The following SNTG1 variants were observed in gnomAD, a reference collection of about 807,000 sequenced individuals.
SNTG1 encodes syntrophin gamma 1, also known as gamma-1-syntrophin.
In SNTG1, 39 loss-of-function variants were observed where a neutral mutation model predicts 74.7. The ratio of observed to expected loss-of-function variants is 0.52; its 90% confidence interval spans 0.40 to 0.68. The LOEUF (loss-of-function observed/expected upper bound fraction) is 0.68, where lower values mean the gene tolerates loss of function less well. Ranked by LOEUF, SNTG1 falls within the 30% of genes least tolerant of loss-of-function variation. The pLI is 0.00. For missense variants in SNTG1, 685 were observed against 609.5 expected (o/e 1.12, Z -1.30); for synonymous variants, 254 against 217.1 (o/e 1.17, Z -1.49).
At chr8:50,606,607 G>A (rs1246604585) in intron 13 of SNTG1, among the ~76,000 whole-genome samples, 2 of 133,254 alleles carry the variant, frequency 1.5e-5, no homozygotes. Flanking sequence ...AGATTCTCCA[G>A]TATAATGCAG....
At chr8:50,558,212 G>A (rs1193097054) in intron 12 of SNTG1, among the ~76,000 whole-genome samples, 1 of 152,162 alleles carries the variant, frequency 6.6e-6, no homozygotes, top group Non-Finnish European at 1.5e-5. Context: ...TGAGTTTCCA[G>A]CTGGCCCGGC....
chr8:49,944,150 C>G (rs534011340), intron 1 of SNTG1, among the ~76,000 whole-genome samples: 1 of 152,054 alleles, frequency 6.6e-6, no homozygotes, highest in African/African-American at 2.4e-5. Flanking sequence ...TGATAGGATC[C>G]AAGTACCAAG....
intron 1 of SNTG1, among the ~76,000 whole-genome samples, chr8:49,960,728 A>T (rs1485224118): frequency 6.6e-6 from 1 of 152,104 alleles, no homozygotes; most frequent in Non-Finnish European, 1.5e-5. Context: ...CTCTAAAAAG[A>T]TCTGGGTCTT....
chr8:50,022,639 C>T (rs771928459), intron 1 of SNTG1, among the ~76,000 whole-genome samples: 41 of 152,120 alleles, frequency 2.7e-4, no homozygotes, highest in Non-Finnish European at 4.0e-4. Context: ...GGTAGCCTAG[C>T]AGTTTGTTTG....
intron 16 of SNTG1, chr8:50,708,424 A>C (rs1256392056): frequency 6.4e-6 from 1 of 155,520 alleles, no homozygotes; most frequent in African/African-American, 2.4e-5. Flanking sequence ...ATTTGTGTGC[A>C]TGAGAATGTG....
intron 4 of SNTG1, among the ~76,000 whole-genome samples, chr8:50,416,882 T>A (rs1398620160): frequency 6.6e-6 from 1 of 151,984 alleles, no homozygotes; most frequent in Admixed American, 6.6e-5. Flanking sequence ...TAGATACTTG[T>A]TCTGTTCTAT....
chr8:50,741,260 T>A (rs967192616), intron 17 of SNTG1, among the ~76,000 whole-genome samples: 1 of 151,970 alleles, frequency 6.6e-6, no homozygotes, highest in Non-Finnish European at 1.5e-5. Flanking sequence ...GAGGCTGGCA[T>A]TACAGGTGTG....
At chr8:49,992,518 A>G (rs1813787859) in intron 1 of SNTG1, among the ~76,000 whole-genome samples, 1 of 152,210 alleles carries the variant, frequency 6.6e-6, no homozygotes, top group African/African-American at 2.4e-5. Context: ...CTTCATAGTT[A>G]ACTAAACCTT....
intron 13 of SNTG1, among the ~76,000 whole-genome samples, chr8:50,621,738 A>G (rs928706914): frequency 6.6e-6 from 1 of 152,196 alleles, no homozygotes; most frequent in Non-Finnish European, 1.5e-5. Flanking sequence ...GTACACATAG[A>G]TAGCTTTTAT....
chr8:50,257,683 T>A (rs1478738495), intron 2 of SNTG1, among the ~76,000 whole-genome samples: 1 of 152,194 alleles, frequency 6.6e-6, no homozygotes, highest in Non-Finnish European at 1.5e-5. Flanking sequence ...ACATGCTTAG[T>A]GTTTCAATAA....
intron 1 of SNTG1, among the ~76,000 whole-genome samples, chr8:49,934,280 G>GATCGATCT: frequency 6.8e-6 from 1 of 146,390 alleles, no homozygotes; most frequent in East Asian, 2.1e-4. Flanking sequence ...ATACTATATA[G>GATCGATCT]ATCTATCTAT....
At chr8:50,365,216 A>G (rs2092075423) in intron 2 of SNTG1, among the ~76,000 whole-genome samples, 1 of 152,120 alleles carries the variant, frequency 6.6e-6, no homozygotes, top group Non-Finnish European at 1.5e-5. Context: ...GATTTCTAGA[A>G]GTTGTATTCA....
At chr8:50,703,030 A>T (rs541772622) in intron 15 of SNTG1, among the ~76,000 whole-genome samples, 2 of 152,328 alleles carry the variant, frequency 1.3e-5, no homozygotes, top group South Asian at 4.1e-4. Flanking sequence ...AGTGATGAGT[A>T]AATGTGAAGG....
At chr8:50,628,277 T>G (rs1220088026) in intron 13 of SNTG1, among the ~76,000 whole-genome samples, 1 of 152,200 alleles carries the variant, frequency 6.6e-6, no homozygotes, top group African/African-American at 2.4e-5. Context: ...TTTTTGAAAT[T>G]TAATAACTTG....
intron 2 of SNTG1, among the ~76,000 whole-genome samples, chr8:50,283,055 C>T (rs1474781522): frequency 1.3e-5 from 2 of 152,102 alleles, no homozygotes; most frequent in Non-Finnish European, 2.9e-5. Context: ...TACCGTATTG[C>T]TCCAAGCTGT....
chr8:50,784,532 G>T (rs7831651), intron 18 of SNTG1, among the ~76,000 whole-genome samples: 48,844 of 151,896 alleles, frequency 0.32, 7,968 homozygotes, highest in Middle Eastern at 0.44. Flanking sequence ...AGCTCCAAAA[G>T]GTATGGAACA....
chr8:50,730,879 C>T (rs1008148592), intron 17 of SNTG1, among the ~76,000 whole-genome samples: 1 of 152,066 alleles, frequency 6.6e-6, no homozygotes, highest in African/African-American at 2.4e-5. Flanking sequence ...CGCTACTAAA[C>T]TAGTTTGAAA....
chr8:49,951,027 AC>A (rs1357177944), intron 1 of SNTG1, among the ~76,000 whole-genome samples: 1 of 152,200 alleles, frequency 6.6e-6, no homozygotes, highest in Non-Finnish European at 1.5e-5. Flanking sequence ...TATTCATAAA[AC>A]CCTTACAATC....
intron 4 of SNTG1, among the ~76,000 whole-genome samples, chr8:50,421,613 A>G (rs1401415353): frequency 6.6e-6 from 1 of 152,090 alleles, no homozygotes; most frequent in East Asian, 1.9e-4. Flanking sequence ...GTGCAGCCCA[A>G]TAGGTTTCAG....
Sources: allele counts gnomAD v4.1 joint callset (sites outside exome capture counted in the v4.1 genomes callset), GRCh38; gene constraint gnomAD v4.1.1; transcripts MANE v1.5; gene names NCBI Gene and HGNC (gene_info 2026-07-23, HGNC 2026-07-21).